COL19A1: variants seen among roughly 807,000 people sequenced by gnomAD.
COL19A1 encodes the protein collagen type XIX alpha 1 chain, also known as collagen alpha-1(XIX) chain.
Under a neutral mutation model 190.2 loss-of-function variants are expected in COL19A1, and 159 were observed. That is an observed-to-expected ratio of 0.84 (90% confidence interval 0.73 to 0.95). The LOEUF is 0.95. Among genes scored for constraint, COL19A1 ranks in the 40% least tolerant of loss-of-function variants. The probability of loss-of-function intolerance (pLI) is 0.00; values close to 1 mark genes in which losing one functional copy is unlikely to be tolerated. For missense variants in COL19A1, 1,418 were observed against 1,431.9 expected (o/e 0.99, Z 0.16); for synonymous variants, 509 against 458.9 (o/e 1.11, Z -1.39).
At chr6:70,057,427 C>T (rs564694377) in intron 14 of COL19A1, among the ~76,000 whole-genome samples, 19 of 152,008 alleles carry the variant, frequency 1.2e-4, no homozygotes, top group African/African-American at 3.4e-4. Context: ...ATTTAAAAGA[C>T]AAAATTACCA....
intron 14 of COL19A1, among the ~76,000 whole-genome samples, chr6:70,054,982 A>G (rs755713338): frequency 6.6e-6 from 1 of 152,180 alleles, no homozygotes; most frequent in African/African-American, 2.4e-5. Flanking sequence ...AACTAAATCA[A>G]TTGGCCAGCT....
intron 12 of COL19A1, among the ~76,000 whole-genome samples, chr6:70,030,783 CCTT>C (rs1188504894): frequency 2.6e-5 from 4 of 152,226 alleles, no homozygotes; most frequent in South Asian, 2.1e-4. Context: ...TGGAGACTTT[CCTT>C]CTTCTTCTCC....
At chr6:70,007,454 A>G (rs1457981377) in intron 11 of COL19A1, among the ~76,000 whole-genome samples, 1 of 152,052 alleles carries the variant, frequency 6.6e-6, no homozygotes, top group Non-Finnish European at 1.5e-5. Flanking sequence ...CACAGACTCT[A>G]TGACAAGTGA....
intron 14 of COL19A1, among the ~76,000 whole-genome samples, chr6:70,050,035 A>G (rs1780120481): frequency 6.6e-6 from 1 of 152,104 alleles, no homozygotes; most frequent in Admixed American, 6.5e-5. Flanking sequence ...TAGCTCAGGA[A>G]TTATACAGAT....
chr6:70,159,729 A>G (rs1398769323), intron 34 of COL19A1, among the ~76,000 whole-genome samples: 1 of 152,152 alleles, frequency 6.6e-6, no homozygotes, highest in Admixed American at 6.6e-5. Context: ...ATATGCAGTA[A>G]TGTTTCCATG....
rs147650774 is a variant in COL19A1, at chr6:70,098,849, A to C, written c.1225-3320A>C. ...TTGAAGGAGGGAAACAAGACAAGGG[A>C]GTTAATTCCTAGGGGTCCTTGGAGA... On this transcript the variant is annotated intron_variant, in intron 15 of 50. Transcript: ENST00000620364. Among the ~76,000 whole-genome samples the C allele has an allele frequency of 1.8e-3, 280 of 152,064 alleles. 1 individual carries two copies. The highest frequency in any genetic ancestry group is 6.1e-3 in the African/African-American group (255 of 41,474).
chr6:70,020,960 A>T (rs1467270735), intron 11 of COL19A1, among the ~76,000 whole-genome samples: 1 of 152,130 alleles, frequency 6.6e-6, no homozygotes, highest in Non-Finnish European at 1.5e-5. Flanking sequence ...CTTTACCTAT[A>T]TTCTATTCTT....
intron 14 of COL19A1, among the ~76,000 whole-genome samples, chr6:70,061,838 G>C (rs1324583875): frequency 1.3e-5 from 2 of 151,930 alleles, no homozygotes; most frequent in East Asian, 3.9e-4. Context: ...ATCGTGTCAG[G>C]CTTATAAAAA....
chr6:70,149,740 G>T lies in COL19A1; in HGVS notation c.1929+1G>T, dbSNP rs1211927988. 2 of 1,613,472 alleles carry T rather than the reference G, an allele frequency of 1.2e-6. No individual in the cohort carries two copies. Among genetic ancestry groups the T allele is most frequent in the Admixed American group, 3.3e-5 (2 of 59,944 alleles). ...ACCAGCTGGAGAGCCAGGTATTCAG[G>T]TAAGCTATTTAACTAATTTTTTAGC... On this transcript the variant is annotated splice_donor_variant, in intron 28 of 50. Coordinates refer to ENST00000620364, the MANE Select transcript of COL19A1 (RefSeq NM_001858.6). LOFTEE classifies it high-confidence loss of function.
rs368109952 is a variant in COL19A1 at position 70,037,169 on chromosome 6, T to G, written c.1170+1230T>G. Among the ~76,000 whole-genome samples the G allele has an allele frequency of 3.3e-5, 5 of 152,184 alleles. No homozygotes were observed. In the East Asian group the frequency reaches 9.6e-4, roughly 29 times the overall value. On this transcript the variant is annotated intron_variant, in intron 14 of 50. Coordinates refer to ENST00000620364, the MANE Select transcript of COL19A1 (RefSeq NM_001858.6). Reference sequence around the variant, plus strand: ...TTTGTAGAATTTTATTTTATTTTATTTTTTGAGACAGAGTCTTGCTCTGTC... The same window carrying G: ...TTTGTAGAATTTTATTTTATTTTATGTTTTGAGACAGAGTCTTGCTCTGTC...
At chr6:69,948,965 A>C (rs1193792290) in intron 9 of COL19A1, among the ~76,000 whole-genome samples, 1 of 151,788 alleles carries the variant, frequency 6.6e-6, no homozygotes, top group Non-Finnish European at 1.5e-5. Context: ...GTCTGTGTGA[A>C]GACACTGTTC....
intron 41 of COL19A1, among the ~76,000 whole-genome samples, chr6:70,172,359 G>A (rs1405470477): frequency 6.6e-6 from 1 of 152,078 alleles, no homozygotes; most frequent in Non-Finnish European, 1.5e-5. Flanking sequence ...GAGGAATAAT[G>A]TTCCAGGAAG....
At chr6:70,055,397 A>C (rs1011991132) in intron 14 of COL19A1, among the ~76,000 whole-genome samples, 1 of 134,330 alleles carries the variant, frequency 7.4e-6, no homozygotes, top group African/African-American at 3.5e-5. Context: ...TGTAATAGTA[A>C]AAAAAAAAAA....
chr6:69,938,328 C>A (rs1208382752), intron 9 of COL19A1, among the ~76,000 whole-genome samples: 1 of 152,066 alleles, frequency 6.6e-6, no homozygotes, highest in Non-Finnish European at 1.5e-5. Flanking sequence ...TCTGGAACTG[C>A]AAGTCTTTGT....
At chr6:70,119,141 T>A (rs1411402717) in intron 16 of COL19A1, among the ~76,000 whole-genome samples, 1 of 152,152 alleles carries the variant, frequency 6.6e-6, no homozygotes, top group Non-Finnish European at 1.5e-5. Flanking sequence ...CCAGAACCCT[T>A]TGGGAGGCTT....
intron 7 of COL19A1, among the ~76,000 whole-genome samples, chr6:69,934,616 A>T (rs73480069): frequency 0.17 from 25,570 of 151,870 alleles, 2,780 homozygotes; most frequent in African/African-American, 0.3. Context: ...CTCACACATT[A>T]TGAACAAAAG....
intron 4 of COL19A1, among the ~76,000 whole-genome samples, chr6:69,910,223 C>T (rs1224776521): frequency 6.6e-6 from 1 of 152,040 alleles, no homozygotes; most frequent in Admixed American, 6.6e-5. Flanking sequence ...ACCCAGTTTC[C>T]AACAATGATA....
At chr6:69,971,673 T>G (rs1027723591) in intron 11 of COL19A1, among the ~76,000 whole-genome samples, 2 of 152,200 alleles carry the variant, frequency 1.3e-5, no homozygotes, top group Non-Finnish European at 2.9e-5. Flanking sequence ...GCCATCATTT[T>G]TAAGGAATTC....
At chr6:70,002,621 C>A (rs999800314) in intron 11 of COL19A1, among the ~76,000 whole-genome samples, 7 of 149,698 alleles carry the variant, frequency 4.7e-5, no homozygotes, top group South Asian at 2.1e-4. Flanking sequence ...ATATATATAT[C>A]TATTTCTTCT....
Sources: allele counts gnomAD v4.1 joint callset (sites outside exome capture counted in the v4.1 genomes callset), GRCh38; gene constraint gnomAD v4.1.1; transcripts MANE v1.5; gene names NCBI Gene and HGNC (gene_info 2026-07-23, HGNC 2026-07-21).